The following DSG2 variants were observed in gnomAD, a reference collection of about 807,000 sequenced individuals.
DSG2 encodes the protein desmoglein 2.
A neutral mutation model predicts 75.6 loss-of-function variants in DSG2; 45 were observed. The observed-to-expected ratio is 0.60, with a 90% CI of 0.47 to 0.76. DSG2 has a LOEUF of 0.76. DSG2 is among the 30% of genes least tolerant of loss of function. The pLI is 0.00. For synonymous variants in DSG2, 429 were observed against 483.9 expected (o/e 0.89, Z 1.49); for missense variants, 1,267 against 1,357.4 (o/e 0.93, Z 1.05).
chr18:31,504,562 G>A (rs947712853), intron 1 of DSG2, among the ~76,000 whole-genome samples: 4 of 152,106 alleles, frequency 2.6e-5, no homozygotes, highest in Non-Finnish European at 5.9e-5. Context: ...ATGGGCAGAC[G>A]GCAGAGGGGG....
intron 12 of DSG2, 89 bp downstream of exon 12, chr18:31,539,067 A>G: frequency 1.5e-6 from 2 of 1,302,212 alleles, no homozygotes; most frequent in Non-Finnish European, 2.2e-6. Context: ...TGATTTCTTC[A>G]CAGTTATTCT....
At position 31,536,171 on chromosome 18, in the gene DSG2, A is replaced by G. The variant is rs904188920; in HGVS notation, c.1424-31A>G. The G allele has an allele frequency of 1.1e-5, 17 of 1,604,224 alleles. No homozygotes were observed. The Middle Eastern group carries it at 5.0e-4, about 47-fold the overall frequency. On this transcript the variant is annotated intron_variant, in intron 10 of 14. Coordinates refer to ENST00000261590, the MANE Select transcript of DSG2 (RefSeq NM_001943.5). ...GTCTGTTGTCAGCAATAGGAACAGA[A>G]TGTACATACTTTTTCTCTCTTATTT... is the stretch of plus-strand genomic sequence containing the variant.
At chr18:31,532,094 C>T (rs1245958593) in intron 9 of DSG2, among the ~76,000 whole-genome samples, 1 of 152,178 alleles carries the variant, frequency 6.6e-6, no homozygotes, top group Non-Finnish European at 1.5e-5. Context: ...GTGTCCCTGT[C>T]TTAGTCCATT....
At chr18:31,544,493 C>G (rs1286282565) in intron 14 of DSG2, among the ~76,000 whole-genome samples, 1 of 151,850 alleles carries the variant, frequency 6.6e-6, no homozygotes, top group Admixed American at 6.6e-5. Context: ...AATCAGTGAC[C>G]TAAGCTTCCA....
rs1455796238 is a variant in DSG2, at chr18:31,520,858, G to A, written c.272G>A (p.Gly91Glu). ...CTCAAAATTACTTACAAATACACTG[G>A]AAAAGGGATTACAGAGCCACCTTTT... is the stretch of plus-strand genomic sequence containing the variant. ...RGLKITYKYT[G>E]KGITEPPFGI... is the part of the protein sequence containing the mutation. Residue 91 changes from glycine to glutamate, a missense_variant, in exon 4 of 15, where the codon GGA becomes GAA. Gly to Glu is a moderately conservative substitution (Grantham distance 98). Transcript: ENST00000261590. The A allele has an allele frequency of 1.2e-6, 2 of 1,613,588 alleles. No individual in the cohort carries two copies. The highest frequency in any genetic ancestry group is 2.2e-5 in the East Asian group (1 of 44,822).
intron 9 of DSG2, 133 bp from the exon 10 acceptor site, chr18:31,535,137 A>G: frequency 1.4e-6 from 1 of 712,998 alleles, no homozygotes; most frequent in Non-Finnish European, 2.4e-6. Flanking sequence ...GCAAAATTAA[A>G]AACATTCAAA....
Position 31,546,610 on chromosome 18 carries a change from C to A in DSG2, c.3224C>A (p.Thr1075Lys). The A allele has an allele frequency of 6.2e-7, 1 of 1,614,200 alleles. No homozygotes were observed. The highest frequency in any genetic ancestry group is 8.5e-7 in the Non-Finnish European group (1 of 1,180,024). ...AATTCTATGACGGCTAGGAACACCA[C>A]GGTGTCTGGAGCTGGAGTCCCTGGC... ...TENSMTARNT[T>K]VSGAGVPGPL... The change falls in exon 15 of 15, where the codon ACG becomes AAG. Residue 1075 changes from threonine to lysine, a missense_variant. Coordinates refer to ENST00000261590, the MANE Select transcript of DSG2 (RefSeq NM_001943.5).
chr18:31,521,870 C>T (rs1038014813), intron 5 of DSG2, among the ~76,000 whole-genome samples: 3 of 152,150 alleles, frequency 2.0e-5, no homozygotes, highest in Admixed American at 1.3e-4. Flanking sequence ...CAGGACTCTA[C>T]CCTCAGCCTT....
At chr18:31,542,948 T>G in intron 14 of DSG2, 96 bp downstream of exon 14, 5 of 1,010,298 alleles carry the variant, frequency 4.9e-6, no homozygotes, top group African/African-American at 1.6e-5. Flanking sequence ...TGGATCCAAA[T>G]GAGACTTTGG....
chr18:31,541,079 T>G (rs2073263669), intron 12 of DSG2, 114 bp from the exon 13 acceptor site: 1 of 1,362,286 alleles, frequency 7.3e-7, no homozygotes, highest in Non-Finnish European at 1.0e-6. Flanking sequence ...AATAGAGCTG[T>G]AAATAAGTGA....
chr18:31,525,154 T>C lies in DSG2; in HGVS notation c.1014+266T>C, dbSNP rs9947401. ...TACTGCTTAGCTCATTTCCAGGCTT[T>C]CTTGCAGCTCATACCTGGCGATCAC... On this transcript the variant is annotated intron_variant, in intron 8 of 14. Transcript: ENST00000261590. Among the ~76,000 whole-genome samples the C allele has an allele frequency of 0.12, 18,495 of 152,130 alleles. 1,286 individuals are homozygous for C. The highest frequency in any genetic ancestry group is 0.19 in the African/African-American group (7,947 of 41,474).
chr18:31,500,775 T>G (rs2073009617), intron 1 of DSG2, among the ~76,000 whole-genome samples: 1 of 152,176 alleles, frequency 6.6e-6, no homozygotes, highest in Non-Finnish European at 1.5e-5. Context: ...GAAATAATTT[T>G]CTGAATAAAA....
intron 1 of DSG2, among the ~76,000 whole-genome samples, chr18:31,501,930 T>C (rs1568099654): frequency 6.6e-6 from 1 of 152,182 alleles, no homozygotes; most frequent in Non-Finnish European, 1.5e-5. Context: ...TGTTCTAATA[T>C]ACAACTGAAT....
chr18:31,507,625 T>C (rs1336310046), intron 1 of DSG2, among the ~76,000 whole-genome samples: 1 of 152,222 alleles, frequency 6.6e-6, no homozygotes, highest in African/African-American at 2.4e-5. Flanking sequence ...CCATTCTAAC[T>C]GGTGTGAGAT....
rs780081154 is a variant in DSG2 at position 31,521,213 on chromosome 18, G to T, written c.493G>T (p.Val165Phe). 6.2e-7 allele frequency: 1 copy of T among 1,611,922 alleles called. No individual in the cohort carries two copies. Among genetic ancestry groups the T allele is most frequent in the Non-Finnish European group, 8.5e-7 (1 of 1,179,494 alleles). ...NEPVFTQDVF[V>F]GSVEELSAAH... ...ACCAGTGTTCACACAGGATGTCTTTGTTGGGTCTGTTGAAGAGTTGAGTGC... is the reference window on the plus strand; with the variant it reads ...ACCAGTGTTCACACAGGATGTCTTTTTTGGGTCTGTTGAAGAGTTGAGTGC... The change falls in exon 5 of 15, where the codon GTT becomes TTT. Residue 165 changes from valine (V) to phenylalanine (F), a missense_variant. Coordinates refer to ENST00000261590, the MANE Select transcript of DSG2 (RefSeq NM_001943.5).
intron 1 of DSG2, among the ~76,000 whole-genome samples, chr18:31,506,016 G>C (rs1425013539): frequency 1.3e-5 from 2 of 152,148 alleles, no homozygotes; most frequent in Non-Finnish European, 2.9e-5. Context: ...TCTACTATAT[G>C]ACCAACAGTC....
intron 8 of DSG2, among the ~76,000 whole-genome samples, chr18:31,529,487 C>CA (rs1291794131): frequency 6.6e-6 from 1 of 152,140 alleles, no homozygotes; most frequent in East Asian, 1.9e-4. Flanking sequence ...ATTACAATCA[C>CA]AAAGGATGTA....
At chr18:31,504,750 C>T (rs1435447056) in intron 1 of DSG2, among the ~76,000 whole-genome samples, 1 of 152,194 alleles carries the variant, frequency 6.6e-6, no homozygotes, top group Non-Finnish European at 1.5e-5. Flanking sequence ...TGTAGCATCT[C>T]TCCGCCCTAC....
intron 9 of DSG2, among the ~76,000 whole-genome samples, chr18:31,532,362 C>T (rs1404221720): frequency 6.6e-6 from 1 of 152,094 alleles, no homozygotes; most frequent in Non-Finnish European, 1.5e-5. Context: ...GACTTAATCA[C>T]TTACCAAAGG....
Sources: gnomAD v4.1 joint callset for allele counts (sites outside exome capture counted in the v4.1 genomes callset) on GRCh38, gnomAD v4.1.1 for gene constraint, MANE v1.5 for transcripts, NCBI Gene and HGNC (gene_info 2026-07-23, HGNC 2026-07-21) for gene names.